The following NAALADL2 variants were observed in gnomAD, a reference collection of about 807,000 sequenced individuals.
NAALADL2 encodes the protein inactive N-acetylated-alpha-linked acidic dipeptidase-like protein 2.
NAALADL2 carries 76 observed loss-of-function variants against 87.2 expected under a neutral mutation model. The observed-to-expected ratio is 0.87, with a 90% CI of 0.72 to 1.05. The LOEUF is 1.05. Ranked by LOEUF, NAALADL2 falls within the 50% of genes least tolerant of loss-of-function variation. The probability of loss-of-function intolerance (pLI) is 0.00; values close to 1 mark genes in which losing one functional copy is unlikely to be tolerated. For missense variants in NAALADL2, 1,089 were observed against 945.8 expected, an observed-to-expected ratio of 1.15 and a Z score of -1.99; for synonymous variants, 354 against 331.0, an observed-to-expected ratio of 1.07 and a Z score of -0.75.
At chr3:175,738,669 G>C (rs1744849186) in intron 12 of NAALADL2, among the ~76,000 whole-genome samples, 1 of 151,992 alleles carries the variant, frequency 6.6e-6, no homozygotes, top group South Asian at 2.1e-4. Flanking sequence ...CTTGTGAACA[G>C]TTTGAGCCAC....
At chr3:175,778,518 A>T (rs1313335482) in intron 13 of NAALADL2, among the ~76,000 whole-genome samples, 3 of 152,172 alleles carry the variant, frequency 2.0e-5, no homozygotes, top group Non-Finnish European at 4.4e-5. Flanking sequence ...GTTACTAAGG[A>T]CAAAGTCAGT....
At chr3:174,675,227 C>G (rs1726933204) in intron 2 of NAALADL2, among the ~76,000 whole-genome samples, 1 of 151,918 alleles carries the variant, frequency 6.6e-6, no homozygotes, top group South Asian at 2.1e-4. Flanking sequence ...GGAAAAACAC[C>G]TAAAGGAGCT....
At chr3:174,911,777 G>A (rs982208299) in intron 1 of NAALADL2, among the ~76,000 whole-genome samples, 3 of 152,052 alleles carry the variant, frequency 2.0e-5, no homozygotes, top group Non-Finnish European at 4.4e-5. Context: ...CTCAGACATT[G>A]CTGAAGTCAC....
chr3:175,089,827 C>T (rs77413076), intron 1 of NAALADL2, among the ~76,000 whole-genome samples: 1 of 152,150 alleles, frequency 6.6e-6, no homozygotes, highest in Non-Finnish European at 1.5e-5. Flanking sequence ...TGAGATCAGG[C>T]AAATGCTGAT....
intron 1 of NAALADL2, among the ~76,000 whole-genome samples, chr3:174,512,217 G>T (rs560477803): frequency 6.6e-6 from 1 of 152,120 alleles, no homozygotes; most frequent in African/African-American, 2.4e-5. Context: ...TATTTTTATT[G>T]GGCTTAGATT....
chr3:174,641,836 A>T lies in NAALADL2; in HGVS notation c.-115+91199A>T, dbSNP rs187597218. Among the ~76,000 whole-genome samples the T allele has an allele frequency of 5.3e-4, 80 of 152,258 alleles. No individual in the cohort carries two copies. The East Asian group carries it at 0.015, about 28-fold the overall frequency. ...AGTGGTTACAGTCATGGCTCACTGC[A>T]GCCTCAACCTCCCGGGCTCAAGTGA... On this transcript the variant is annotated intron_variant, in intron 2 of 3. Transcript: ENST00000434257.
At chr3:175,784,901 G>A (rs945905347) in intron 13 of NAALADL2, among the ~76,000 whole-genome samples, 7 of 115,772 alleles carry the variant, frequency 6.0e-5, no homozygotes, top group Non-Finnish European at 1.1e-4. Context: ...CTGGTATGTT[G>A]TGTCTTTGTT....
intron 4 of NAALADL2, among the ~76,000 whole-genome samples, chr3:175,258,103 T>C (rs1202922956): frequency 6.6e-6 from 1 of 151,882 alleles, no homozygotes; most frequent in Admixed American, 6.6e-5. Context: ...GGTCAGGAGA[T>C]TGAGACCATC....
At chr3:175,590,869 A>G (rs965449385) in intron 10 of NAALADL2, among the ~76,000 whole-genome samples, 5 of 152,194 alleles carry the variant, frequency 3.3e-5, no homozygotes, top group African/African-American at 1.2e-4. Context: ...TGAAAATTAT[A>G]GGTATTTGCT....
intron 10 of NAALADL2, 84 bp downstream of exon 10, chr3:175,576,271 T>G: frequency 8.1e-7 from 1 of 1,240,358 alleles, no homozygotes; most frequent in African/African-American, 1.5e-5. Context: ...TATTCAATTT[T>G]CATATCAAAT....
At chr3:174,530,671 G>C (rs1027430703) in intron 1 of NAALADL2, among the ~76,000 whole-genome samples, 5 of 152,186 alleles carry the variant, frequency 3.3e-5, no homozygotes, top group African/African-American at 1.2e-4. Flanking sequence ...AAGAGAGCTT[G>C]TGTAGGGAAA....
intron 9 of NAALADL2, among the ~76,000 whole-genome samples, chr3:175,571,998 CAAAGAA>C (rs1718144195): frequency 3.9e-5 from 6 of 151,904 alleles, no homozygotes; most frequent in Admixed American, 3.9e-4. Flanking sequence ...ATGAGGTAGA[CAAAGAA>C]AGAGAGAGGA....
At chr3:175,319,464 T>C (rs1040392533) in intron 4 of NAALADL2, among the ~76,000 whole-genome samples, 8 of 152,212 alleles carry the variant, frequency 5.3e-5, no homozygotes, top group African/African-American at 1.7e-4. Flanking sequence ...ATATATGCAA[T>C]TGTGTTTTAT....
intron 11 of NAALADL2, among the ~76,000 whole-genome samples, chr3:175,665,219 GAC>G (rs1438656012): frequency 6.6e-6 from 1 of 152,160 alleles, no homozygotes; most frequent in Non-Finnish European, 1.5e-5. Context: ...TATGCAAGGT[GAC>G]ACAGAGCAAA....
At chr3:174,811,265 G>A (rs1353051070) in intron 3 of NAALADL2, among the ~76,000 whole-genome samples, 1 of 152,174 alleles carries the variant, frequency 6.6e-6, no homozygotes, top group African/African-American at 2.4e-5. Context: ...CCCCAGAATG[G>A]TAGATCTACC....
chr3:175,576,235 C>T (rs1718872661), intron 10 of NAALADL2, 48 bp downstream of exon 10: 2 of 1,515,426 alleles, frequency 1.3e-6, no homozygotes, highest in African/African-American at 1.4e-5. Flanking sequence ...ATATAGTAGA[C>T]CTGCAGAATT....
intron 5 of NAALADL2, among the ~76,000 whole-genome samples, chr3:175,370,004 G>A (rs1431074232): frequency 2.6e-5 from 4 of 152,128 alleles, no homozygotes; most frequent in African/African-American, 4.8e-5. Flanking sequence ...TTGAGAAGCT[G>A]CTTGCTAAGA....
At chr3:174,469,698 G>A (rs564138326) in intron 1 of NAALADL2, among the ~76,000 whole-genome samples, 27 of 152,142 alleles carry the variant, frequency 1.8e-4, no homozygotes, top group Non-Finnish European at 2.6e-4. Context: ...ACAAAATGCT[G>A]GGATTACAGG....
intron 3 of NAALADL2, among the ~76,000 whole-genome samples, chr3:174,750,156 T>G (rs188922194): frequency 3.9e-5 from 6 of 152,286 alleles, no homozygotes; most frequent in Admixed American, 6.5e-5. Flanking sequence ...AATACAGACT[T>G]TTAAAATGTT....
Sources: gnomAD v4.1 joint callset for allele counts (sites outside exome capture counted in the v4.1 genomes callset) on GRCh38, gnomAD v4.1.1 for gene constraint, MANE v1.5 for transcripts, NCBI Gene and HGNC (gene_info 2026-07-23, HGNC 2026-07-21) for gene names.